Variants in EHHADH observed in about 807,000 individuals in gnomAD.
The protein encoded by EHHADH is enoyl-CoA hydratase and 3-hydroxyacyl CoA dehydrogenase.
In EHHADH, 48 loss-of-function variants were observed where a neutral mutation model predicts 64.4. The ratio of observed to expected loss-of-function variants is 0.75; its 90% confidence interval spans 0.59 to 0.95. The LOEUF (loss-of-function observed/expected upper bound fraction) is 0.95, where lower values mean the gene tolerates loss of function less well. Ranked by LOEUF, EHHADH falls within the 40% of genes least tolerant of loss-of-function variation. The pLI is 0.00. For missense variants in EHHADH, 854 were observed against 876.6 expected (o/e 0.97, Z 0.33); for synonymous variants, 308 against 326.7 (o/e 0.94, Z 0.62).
At chr3:185,195,366 G>A (rs1311715509) in intron 6 of EHHADH, among the ~76,000 whole-genome samples, 1 of 152,232 alleles carries the variant, frequency 6.6e-6, no homozygotes, top group Admixed American at 6.5e-5. Flanking sequence ...AAATTTTGGT[G>A]AGGATTTGGA....
chr3:185,217,547 G>GAAAAA (rs755192275), intron 5 of EHHADH, among the ~76,000 whole-genome samples: 2 of 88,068 alleles, frequency 2.3e-5, no homozygotes, highest in African/African-American at 9.1e-5. Context: ...CTCTGTCTCA[G>GAAAAA]AAAAAAAAAA....
At chr3:185,222,088 G>A (rs1329088791) in intron 4 of EHHADH, among the ~76,000 whole-genome samples, 1 of 151,974 alleles carries the variant, frequency 6.6e-6, no homozygotes, top group African/African-American at 2.4e-5. Flanking sequence ...TCTGGGTGTA[G>A]AAATCACAAG....
chr3:185,250,405 CAAAG>C (rs1719714011), intron 1 of EHHADH, among the ~76,000 whole-genome samples: 1 of 152,072 alleles, frequency 6.6e-6, no homozygotes, highest in African/African-American at 2.4e-5. Flanking sequence ...CTCAAAGTCA[CAAAG>C]ACCAAGAGAG....
At chr3:185,215,160 C>T (rs546895901) in intron 5 of EHHADH, among the ~76,000 whole-genome samples, 2 of 152,210 alleles carry the variant, frequency 1.3e-5, no homozygotes, top group South Asian at 4.2e-4. Flanking sequence ...CAAGCATACA[C>T]TTATTACAAC....
chr3:185,225,030 G>T (rs1718937242), intron 4 of EHHADH, among the ~76,000 whole-genome samples: 1 of 152,170 alleles, frequency 6.6e-6, no homozygotes, highest in South Asian at 2.1e-4. Flanking sequence ...ATGAAATGTG[G>T]TCTGTTTAAC....
intron 5 of EHHADH, among the ~76,000 whole-genome samples, chr3:185,210,828 A>G (rs2108633451): frequency 6.6e-6 from 1 of 152,228 alleles, no homozygotes; most frequent in Admixed American, 6.5e-5. Context: ...AAAGATGGGA[A>G]AAAAAGAGAG....
At chr3:185,247,147 A>G (rs1310855419) in intron 2 of EHHADH, among the ~76,000 whole-genome samples, 1 of 152,174 alleles carries the variant, frequency 6.6e-6, no homozygotes, top group African/African-American at 2.4e-5. Flanking sequence ...CAATTTTTGT[A>G]AATGTTCCAG....
At chr3:185,205,174 T>A (rs1424944871) in intron 5 of EHHADH, among the ~76,000 whole-genome samples, 1 of 152,044 alleles carries the variant, frequency 6.6e-6, no homozygotes, top group East Asian at 1.9e-4. Context: ...TTTTTAAAAA[T>A]TATTTCAGCT....
intron 5 of EHHADH, among the ~76,000 whole-genome samples, chr3:185,214,061 TG>T (rs1718620919): frequency 6.6e-6 from 1 of 152,166 alleles, no homozygotes; most frequent in African/African-American, 2.4e-5. Flanking sequence ...AATCCTTGGT[TG>T]ATCTGTCTTT....
In EHHADH at chr3:185,192,158, T is replaced by C. The variant is rs1717887165; in HGVS notation, c.*68A>G. The stretch of plus-strand genomic sequence containing the variant: ...AACAATCTTACTTTGGATTTTTGAT[T>C]TAATTTCACTGAAATTCAGTCAGCA... On this transcript the variant is annotated 3_prime_UTR_variant, in exon 7 of 7. Transcript: ENST00000231887. The C allele has an allele frequency of 2.0e-6, 3 of 1,490,846 alleles. No homozygotes were observed. The African/African-American group carries it at 4.2e-5, about 21-fold the overall frequency. 92.4% of individuals were successfully genotyped at this position (1,490,846 alleles called of 1,614,324 possible). A position where few individuals can be genotyped will look rare whatever the true frequency, so the allele number is the denominator to read the frequency against.
chr3:185,213,210 T>C (rs1187148668), intron 5 of EHHADH, among the ~76,000 whole-genome samples: 1 of 150,946 alleles, frequency 6.6e-6, no homozygotes, highest in East Asian at 2.0e-4. Flanking sequence ...ATTATCTCCT[T>C]TCTTACCCTT....
intron 2 of EHHADH, among the ~76,000 whole-genome samples, chr3:185,238,035 T>C (rs1359589316): frequency 2.6e-5 from 4 of 152,186 alleles, no homozygotes; most frequent in African/African-American, 9.7e-5. Context: ...TAAGTGAGAA[T>C]ATGCGGTATT....
intron 2 of EHHADH, among the ~76,000 whole-genome samples, chr3:185,236,411 T>C (rs542311139): frequency 2.5e-3 from 256 of 103,374 alleles, no homozygotes; most frequent in African/African-American, 9.1e-3. Context: ...CCCCTGTCCA[T>C]GGAAAAACTG....
At position 185,248,589 on chromosome 3, in the gene EHHADH, C is replaced by A. The variant is rs1719660384; in HGVS notation, c.75-72G>T. 1.1e-5 allele frequency: 13 copies of A among 1,163,652 alleles called. No homozygotes were observed. The highest frequency in any genetic ancestry group is 1.5e-5 in the South Asian group (1 of 66,676). The allele number at this position is 1,163,652 out of a possible 1,614,324, so 72.1% of individuals were successfully genotyped here. ...CCTACCATTCAGAGTGTTTTCCTTT[C>A]CTAAAAATGAAAAATTAAACACACA... On this transcript the variant is annotated intron_variant, in intron 1 of 6. Coordinates refer to ENST00000231887, the MANE Select transcript of EHHADH (RefSeq NM_001966.4).
At chr3:185,243,930 C>T (rs1259946753) in intron 2 of EHHADH, among the ~76,000 whole-genome samples, 1 of 152,160 alleles carries the variant, frequency 6.6e-6, no homozygotes, top group African/African-American at 2.4e-5. Flanking sequence ...AATCATCTGT[C>T]TAGTGCTGTC....
chr3:185,248,585 C>T, intron 1 of EHHADH, 68 bp from the exon 2 acceptor site: 2 of 1,230,182 alleles, frequency 1.6e-6, no homozygotes, highest in South Asian at 2.8e-5. Flanking sequence ...GAGTGTTTTC[C>T]TTTCCTAAAA....
chr3:185,226,693 C>G (rs1718987498), intron 4 of EHHADH: 1 of 151,750 alleles, frequency 6.6e-6, no homozygotes, highest in Admixed American at 6.6e-5. Flanking sequence ...AGTAGATCCT[C>G]CAGATGACTA....
At chr3:185,221,829 C>T (rs929571712) in intron 4 of EHHADH, among the ~76,000 whole-genome samples, 4 of 151,946 alleles carry the variant, frequency 2.6e-5, no homozygotes, top group Non-Finnish European at 4.4e-5. Context: ...CTGCCTTGGA[C>T]TCTGAAAGTG....
chr3:185,242,752 A>C (rs989360004), intron 2 of EHHADH, among the ~76,000 whole-genome samples: 5 of 152,168 alleles, frequency 3.3e-5, no homozygotes, highest in African/African-American at 1.2e-4. Context: ...GTTTCCAGGC[A>C]GTGGGCAAGC....
Sources: gnomAD v4.1 joint callset for allele counts (sites outside exome capture counted in the v4.1 genomes callset) on GRCh38, gnomAD v4.1.1 for gene constraint, MANE v1.5 for transcripts, NCBI Gene and HGNC (gene_info 2026-07-23, HGNC 2026-07-21) for gene names.